GDE1: variants seen among roughly 807,000 people sequenced by gnomAD.
GDE1 encodes the protein glycerophosphodiester phosphodiesterase 1, also known as RGS16-interacting membrane protein.
Under a neutral mutation model 32.2 loss-of-function variants are expected in GDE1, and 24 were observed. That is an observed-to-expected ratio of 0.75 (90% CI 0.54 to 1.05). GDE1 has a LOEUF of 1.05. Among genes scored for constraint, GDE1 ranks in the 50% least tolerant of loss-of-function variants. The probability of loss-of-function intolerance (pLI) is 0.00; values close to 1 mark genes in which losing one functional copy is unlikely to be tolerated. For synonymous variants in GDE1, 159 were observed against 158.6 expected, an observed-to-expected ratio of 1.00 and a Z score of -0.02; for missense variants, 380 against 415.0, an observed-to-expected ratio of 0.92 and a Z score of 0.73.
At chr16:19,515,551 C>G (rs1291831188) in intron 2 of GDE1, among the ~76,000 whole-genome samples, 1 of 152,134 alleles carries the variant, frequency 6.6e-6, no homozygotes, top group Non-Finnish European at 1.5e-5. Flanking sequence ...TTGAACCTGA[C>G]ATTTTATTAG....
In GDE1 at chr16:19,521,861, G is replaced by C. The variant is rs778961906; in HGVS notation, c.104C>G (p.Thr35Ser). 34 of 1,607,584 alleles carry C rather than the reference G, an allele frequency of 2.1e-5. No individual in the cohort carries two copies. Among genetic ancestry groups the C allele is most frequent in the Non-Finnish European group, 2.9e-5 (34 of 1,177,884 alleles). ...GCGCAGTAGAACGAAGAGGCTGCCGGTGAGGAGGCAGGCATTGACCGGGCT... is the reference window on the plus strand; with the variant it reads ...GCGCAGTAGAACGAAGAGGCTGCCGCTGAGGAGGCAGGCATTGACCGGGCT... ...TRSPVNACLL[T>S]GSLFVLLRVF... Residue 35 changes from threonine (T) to serine (S), a missense_variant, in exon 1 of 6, where the codon ACC becomes AGC. Transcript: ENST00000353258.
At position 19,509,527 on chromosome 16, in the gene GDE1, C is replaced by A. The variant is rs539680972; in HGVS notation, c.543+1312G>T. ...TAGGTACAGGTGATTCTAACGCAGA[C>A]CAATTGGAAAACCTAGACGTATACA... On this transcript the variant is annotated intron_variant, in intron 3 of 5. Transcript: ENST00000353258. 2.0e-5 allele frequency among the ~76,000 whole-genome samples: 3 copies of A among 152,164 alleles called. No homozygotes were observed. In the East Asian group the frequency reaches 5.8e-4, roughly 29 times the overall value.
intron 2 of GDE1, among the ~76,000 whole-genome samples, chr16:19,516,161 G>A (rs1969377873): frequency 6.6e-6 from 1 of 152,166 alleles, no homozygotes; most frequent in Non-Finnish European, 1.5e-5. Flanking sequence ...TACTTTGGAA[G>A]CTACGTTTAC....
chr16:19,505,072 A>C lies in GDE1; in HGVS notation c.657T>G (p.Asp219Glu), dbSNP rs1290421840. The change falls in exon 5 of 6, where the codon GAT becomes GAG. Residue 219 changes from aspartate to glutamate, a missense_variant. Transcript: ENST00000353258. Reference protein sequence around the residue: ...VIYKMRQTDRDVITALTHRPW... With the variant: ...VIYKMRQTDREVITALTHRPW... ...GTCTGTGAGTTAATGCTGTTATTAC[A>C]TCCCGATCTGTTTGTCTCATCTGCA... 5 of 1,610,912 alleles carry C rather than the reference A, an allele frequency of 3.1e-6. No individual in the cohort carries two copies. Among genetic ancestry groups the C allele is most frequent in the Non-Finnish European group, 4.2e-6 (5 of 1,177,038 alleles).
intron 4 of GDE1, among the ~76,000 whole-genome samples, chr16:19,505,428 G>C (rs571861635): frequency 1.3e-5 from 2 of 152,264 alleles, no homozygotes; most frequent in East Asian, 3.9e-4. Context: ...CCTGGCCAGA[G>C]ATAATTAATT....
Position 19,517,170 on chromosome 16 carries a change from G to A in GDE1, c.281C>T (p.Thr94Ile), listed in dbSNP as rs1212445003. ...AAACTCAATGTCCAACTCCACGCCT[G>A]TTGCTCCATTCTTAGCTGCCTTAAC... ...AIRQAAKNGA[T>I]GVELDIEFTS... The change falls in exon 2 of 6, where the codon ACA becomes ATA. Residue 94 changes from threonine to isoleucine, a missense_variant. Thr to Ile is a moderately conservative substitution (Grantham distance 89). Coordinates refer to ENST00000353258, the MANE Select transcript of GDE1 (RefSeq NM_016641.4). 6.2e-7 allele frequency: 1 copy of A among 1,613,540 alleles called. No homozygotes were observed. The highest frequency in any genetic ancestry group is 2.2e-5 in the East Asian group (1 of 44,880).
At chr16:19,519,455 T>TGC (rs2151450066) in intron 1 of GDE1, among the ~76,000 whole-genome samples, 2 of 117,898 alleles carry the variant, frequency 1.7e-5, no homozygotes, top group African/African-American at 7.0e-5. Flanking sequence ...TGTGCATATA[T>TGC]ATATATATAT....
chr16:19,514,686 T>C (rs938041570), intron 2 of GDE1, among the ~76,000 whole-genome samples: 2 of 152,290 alleles, frequency 1.3e-5, no homozygotes, highest in East Asian at 3.9e-4. Flanking sequence ...CAAAAGAAAT[T>C]AGCTTTTCTC....
At chr16:19,508,913 T>C (rs1416981887) in intron 3 of GDE1, among the ~76,000 whole-genome samples, 1 of 152,242 alleles carries the variant, frequency 6.6e-6, no homozygotes, top group African/African-American at 2.4e-5. Context: ...GGTCACTATG[T>C]TCTACCCAGT....
At chr16:19,509,946 C>T (rs1209152000) in intron 3 of GDE1, among the ~76,000 whole-genome samples, 2 of 151,824 alleles carry the variant, frequency 1.3e-5, no homozygotes, top group Non-Finnish European at 2.9e-5. Flanking sequence ...CCACTGCACC[C>T]GGCCCATTTT....
intron 2 of GDE1, among the ~76,000 whole-genome samples, chr16:19,515,715 G>A (rs972061946): frequency 7.9e-5 from 12 of 151,942 alleles, no homozygotes; most frequent in African/African-American, 2.2e-4. Flanking sequence ...GACTTCCTTC[G>A]GCAGACTAAT....
chr16:19,517,720 C>A (rs2074172), intron 1 of GDE1, among the ~76,000 whole-genome samples: 55,399 of 151,958 alleles, frequency 0.36, 11,664 homozygotes, highest in East Asian at 0.56. Flanking sequence ...GCTGTTGGCC[C>A]ATAAGTTGTT....
chr16:19,509,601 T>C (rs1353526688), intron 3 of GDE1, among the ~76,000 whole-genome samples: 1 of 151,904 alleles, frequency 6.6e-6, no homozygotes, highest in Non-Finnish European at 1.5e-5. Flanking sequence ...TCTTCCTTCT[T>C]CAAAAATAGG....
At chr16:19,505,175 A>G (rs1969231353) in intron 4 of GDE1, 83 bp from the exon 5 acceptor site, 1 of 942,850 alleles carries the variant, frequency 1.1e-6, no homozygotes, top group Admixed American at 1.7e-5. Context: ...AATGTGCTCA[A>G]TCAGATGAGG....
Position 19,503,018 on chromosome 16 carries a change from T to C in GDE1, c.*452A>G, listed in dbSNP as rs1011442784. 6.5e-6 allele frequency: 1 copy of C among 153,762 alleles called. No individual in the cohort carries two copies. The highest frequency in any genetic ancestry group is 2.4e-5 in the African/African-American group (1 of 41,462). 9.5% of individuals were successfully genotyped at this position (153,762 alleles called of 1,614,324 possible). A position where few individuals can be genotyped will look rare whatever the true frequency, so the allele number is the denominator to read the frequency against. On this transcript the variant is annotated 3_prime_UTR_variant, in exon 6 of 6. Coordinates refer to ENST00000353258, the MANE Select transcript of GDE1 (RefSeq NM_016641.4). The stretch of plus-strand genomic sequence containing the variant: ...TCCTTTAGTGCTCCTTTTAATAATT[T>C]TATTAGTATGGCCACAAGTTTGATG...
chr16:19,503,459 A>G lies in GDE1; in HGVS notation c.*11T>C. On this transcript the variant is annotated 3_prime_UTR_variant, in exon 6 of 6. Transcript: ENST00000353258. ...GCAGTTTCTGAACCCGTTTCGTCCC[A>G]CCGTGAAAGTCTAGAAGTGAGGTTC... 1 of 1,612,852 alleles carries G rather than the reference A, an allele frequency of 6.2e-7. No individual in the cohort carries two copies. The highest frequency in any genetic ancestry group is 8.5e-7 in the Non-Finnish European group (1 of 1,179,240).
At chr16:19,509,176 C>A (rs146200023) in intron 3 of GDE1, among the ~76,000 whole-genome samples, 1 of 152,122 alleles carries the variant, frequency 6.6e-6, no homozygotes, top group African/African-American at 2.4e-5. Flanking sequence ...ATGGCACATG[C>A]CTCTAATCTC....
intron 1 of GDE1, among the ~76,000 whole-genome samples, chr16:19,521,000 A>C (rs925414141): frequency 6.6e-6 from 1 of 152,192 alleles, no homozygotes; most frequent in Non-Finnish European, 1.5e-5. Flanking sequence ...AAAGGTGATA[A>C]GGAAATGACT....
At chr16:19,519,462 ATATAT>A (rs1969422077) in intron 1 of GDE1, among the ~76,000 whole-genome samples, 1 of 151,162 alleles carries the variant, frequency 6.6e-6, no homozygotes, top group African/African-American at 2.4e-5. Flanking sequence ...ATATATATAT[ATATAT>A]ATATATACAT....
Sources: gnomAD v4.1 joint callset for allele counts (sites outside exome capture counted in the v4.1 genomes callset) on GRCh38, gnomAD v4.1.1 for gene constraint, MANE v1.5 for transcripts, NCBI Gene and HGNC (gene_info 2026-07-23, HGNC 2026-07-21) for gene names.